FER: variants seen among roughly 807,000 people sequenced by gnomAD.
FER encodes FER tyrosine kinase, also known as tyrosine-protein kinase Fer.
A neutral mutation model predicts 111.0 loss-of-function variants in FER; 63 were observed. That is an observed-to-expected ratio of 0.57 (90% CI 0.46 to 0.70). The LOEUF (loss-of-function observed/expected upper bound fraction) is 0.70. Among genes scored for constraint, FER ranks in the 30% least tolerant of loss-of-function variants. The probability of loss-of-function intolerance (pLI) is 0.00; values close to 1 mark genes in which losing one functional copy is unlikely to be tolerated. For synonymous variants in FER, 327 were observed against 313.9 expected, an observed-to-expected ratio of 1.04 and a Z score of -0.44; for missense variants, 914 against 954.0, an observed-to-expected ratio of 0.96 and a Z score of 0.55.
chr5:108,904,111 A>G (rs78769119), intron 10 of FER, among the ~76,000 whole-genome samples: 6,298 of 147,666 alleles, frequency 0.043, 177 homozygotes, highest in South Asian at 0.11. Flanking sequence ...ATATTTATTG[A>G]ATGTCAGGTG....
intron 1 of FER, among the ~76,000 whole-genome samples, chr5:108,761,839 C>T (rs1391371128): frequency 6.6e-6 from 1 of 152,178 alleles, no homozygotes; most frequent in Non-Finnish European, 1.5e-5. Flanking sequence ...AAGTTTCCTT[C>T]ACTTTCTGTT....
intron 17 of FER, among the ~76,000 whole-genome samples, chr5:109,113,372 C>A (rs1377546108): frequency 6.6e-6 from 1 of 152,022 alleles, no homozygotes; most frequent in African/African-American, 2.4e-5. Flanking sequence ...AAATATATTT[C>A]TTTTTCTAAT....
intron 16 of FER, among the ~76,000 whole-genome samples, chr5:109,076,812 A>G (rs1293185683): frequency 2.0e-5 from 3 of 152,228 alleles, no homozygotes; most frequent in Admixed American, 2.0e-4. Context: ...TAACAACAGC[A>G]ACAGTAAAAG....
chr5:108,929,534 C>T (rs1299309885), intron 10 of FER, among the ~76,000 whole-genome samples: 3 of 151,932 alleles, frequency 2.0e-5, no homozygotes, highest in African/African-American at 7.3e-5. Flanking sequence ...TTTTCCTTTG[C>T]ATTTAAGTTA....
intron 9 of FER, among the ~76,000 whole-genome samples, chr5:108,888,512 T>A (rs1747515120): frequency 6.6e-6 from 1 of 151,868 alleles, no homozygotes; most frequent in African/African-American, 2.4e-5. Flanking sequence ...ATGTGAAGAA[T>A]GCATGGAAAG....
At chr5:108,958,193 T>C (rs79100950) in intron 12 of FER, among the ~76,000 whole-genome samples, 1,623 of 151,762 alleles carry the variant, frequency 0.011, 32 homozygotes, top group African/African-American at 0.037. Flanking sequence ...TTTTTTATTT[T>C]ATAGTATGGA....
At chr5:108,927,252 C>CTTTTTTTGTTTTTTTTTTTTTTTTTT (rs1753878148) in intron 10 of FER, among the ~76,000 whole-genome samples, 1 of 95,254 alleles carries the variant, frequency 1.0e-5, no homozygotes, top group Non-Finnish European at 1.9e-5. Flanking sequence ...AGAAGTGGCT[C>CTTTTTTTGTTTTTTTTTTTTTTTTTT]TTTTTTTTTT....
intron 13 of FER, among the ~76,000 whole-genome samples, chr5:109,036,885 G>A (rs1770483160): frequency 6.6e-6 from 1 of 151,972 alleles, no homozygotes; most frequent in Non-Finnish European, 1.5e-5. Context: ...ATTGTAATTG[G>A]TGTTTGTTGC....
intron 16 of FER, among the ~76,000 whole-genome samples, chr5:109,084,157 C>G (rs934973829): frequency 6.6e-6 from 1 of 151,992 alleles, no homozygotes; most frequent in Non-Finnish European, 1.5e-5. Flanking sequence ...CCCACCCATT[C>G]CTAACCACCT....
At chr5:108,798,067 TTTGAAGACTAATTTCC>T in intron 2 of FER, 41 bp from the exon 3 acceptor site, 7 of 684,608 alleles carry the variant, frequency 1.0e-5, no homozygotes, top group South Asian at 4.9e-5. Context: ...CTTTTTTTTT[TTTGAAGACTAATTTCC>T]TTTTTATTTA....
intron 5 of FER, among the ~76,000 whole-genome samples, chr5:108,849,652 G>A (rs1318995170): frequency 3.3e-5 from 5 of 152,068 alleles, no homozygotes; most frequent in African/African-American, 9.7e-5. Context: ...ATCTGTGTCA[G>A]TCACTTTCAG....
intron 9 of FER, among the ~76,000 whole-genome samples, chr5:108,886,008 C>A (rs144162141): frequency 2.0e-5 from 3 of 151,754 alleles, no homozygotes; most frequent in African/African-American, 7.3e-5. Flanking sequence ...TTATAGATGA[C>A]CAAGTGGTTC....
intron 13 of FER, among the ~76,000 whole-genome samples, chr5:109,013,892 G>A (rs1766665322): frequency 6.6e-6 from 1 of 151,962 alleles, no homozygotes; most frequent in African/African-American, 2.4e-5. Context: ...TTTGAGAAAT[G>A]TCTGTTCATG....
At position 108,798,234 on chromosome 5, in the gene FER, C is replaced by A. The variant is rs781096339; in HGVS notation, c.52C>A (p.Gln18Lys). ...TTCACATGAAGCAGTGTTAAAATTG[C>A]AAGACTGGGAATTACGGTTACTGGA... ...KNSHEAVLKL[Q>K]DWELRLLETV... Residue 18 changes from glutamine to lysine, a missense_variant, in exon 3 of 20, where the codon CAA becomes AAA. Gln to Lys is a moderately conservative substitution (Grantham distance 53). Coordinates refer to ENST00000281092, the MANE Select transcript of FER (RefSeq NM_005246.4). The A allele has an allele frequency of 6.2e-7, 1 of 1,613,928 alleles. No individual in the cohort carries two copies. Among genetic ancestry groups the A allele is most frequent in the East Asian group, 2.2e-5 (1 of 44,854 alleles).
chr5:109,094,659 G>A (rs766820538), intron 16 of FER, among the ~76,000 whole-genome samples: 1 of 152,116 alleles, frequency 6.6e-6, no homozygotes, highest in East Asian at 1.9e-4. Flanking sequence ...CATGAAAGCA[G>A]CAATAGACAA....
chr5:108,902,300 T>C (rs1750149931), intron 10 of FER, among the ~76,000 whole-genome samples: 1 of 152,220 alleles, frequency 6.6e-6, no homozygotes, highest in African/African-American at 2.4e-5. Context: ...TTCCTAGCAA[T>C]GTTAGTCATA....
At chr5:108,927,224 C>G (rs1374910962) in intron 10 of FER, among the ~76,000 whole-genome samples, 1 of 150,954 alleles carries the variant, frequency 6.6e-6, no homozygotes, top group East Asian at 1.9e-4. Flanking sequence ...CTCCCATATC[C>G]CATGTAATTC....
In FER at chr5:108,894,723, A is replaced by G. The variant is rs567552389; in HGVS notation, c.1047-2936A>G. On this transcript the variant is annotated intron_variant, in intron 9 of 19. Transcript: ENST00000281092. Reference sequence around the variant, plus strand: ...AGTTCCACATGCCTGGGGAGGCCTCACAATCATGGTGGAAGGTGCAGGGGA... The same window carrying G: ...AGTTCCACATGCCTGGGGAGGCCTCGCAATCATGGTGGAAGGTGCAGGGGA... The G allele has an allele frequency of 5.8e-4, 120 of 208,186 alleles. 1 individual carries two copies. The highest frequency in any genetic ancestry group is 3.9e-4 in the Non-Finnish European group (39 of 100,790). The allele number at this position is 208,186 out of a possible 1,614,324, so 12.9% of individuals were successfully genotyped here.
intron 18 of FER, among the ~76,000 whole-genome samples, chr5:109,181,817 C>T (rs1170502273): frequency 2.0e-5 from 3 of 152,178 alleles, no homozygotes; most frequent in African/African-American, 7.2e-5. Flanking sequence ...TAGTACAGTT[C>T]ACAATGTTGT....
Sources: allele counts gnomAD v4.1 joint callset (sites outside exome capture counted in the v4.1 genomes callset), GRCh38; gene constraint gnomAD v4.1.1; transcripts MANE v1.5; gene names NCBI Gene and HGNC (gene_info 2026-07-23, HGNC 2026-07-21).